The following CCDC178 variants were observed in gnomAD, a reference collection of about 807,000 sequenced individuals.
CCDC178 encodes the protein coiled-coil domain containing 178.
In CCDC178, 126 loss-of-function variants were observed where a neutral mutation model predicts 117.4. The observed-to-expected ratio is 1.07, with a 90% CI of 0.93 to 1.24. The LOEUF is 1.24. CCDC178 is among the 50% of genes most tolerant of loss of function. The probability of loss-of-function intolerance (pLI) is 0.00; values close to 1 mark genes in which losing one functional copy is unlikely to be tolerated. For synonymous variants in CCDC178, 283 were observed against 313.4 expected (o/e 0.90, Z 1.02); for missense variants, 1,030 against 986.9 (o/e 1.04, Z -0.59).
chr18:33,240,626 T>C (rs1417831867), intron 15 of CCDC178, among the ~76,000 whole-genome samples: 1 of 151,666 alleles, frequency 6.6e-6, no homozygotes, highest in Non-Finnish European at 1.5e-5. Flanking sequence ...AGGAAATGGA[T>C]ACATACAATC....
intron 2 of CCDC178, among the ~76,000 whole-genome samples, chr18:33,420,846 A>C (rs1431237424): frequency 6.6e-6 from 1 of 152,254 alleles, no homozygotes; most frequent in Admixed American, 6.5e-5. Flanking sequence ...AAGGAAAAGC[A>C]AAAAGATAGC....
At chr18:33,195,138 A>C (rs2058915521) in intron 20 of CCDC178, among the ~76,000 whole-genome samples, 1 of 151,686 alleles carries the variant, frequency 6.6e-6, no homozygotes, top group South Asian at 2.1e-4. Context: ...AGAGAGAGAG[A>C]GAGAGAGAAG....
intron 2 of CCDC178, among the ~76,000 whole-genome samples, chr18:33,415,825 A>T (rs1342544893): frequency 2.0e-5 from 3 of 152,132 alleles, no homozygotes; most frequent in Admixed American, 6.5e-5. Context: ...AATAAAAAAA[A>T]CTCTGGGTGC....
In CCDC178 at chr18:33,389,615, G is replaced by A. The variant is rs1446667228; in HGVS notation, c.133C>T (p.Gln45Ter). 6.7e-7 allele frequency: 1 copy of A among 1,497,048 alleles called. No homozygotes were observed. Among genetic ancestry groups the A allele is most frequent in the Non-Finnish European group, 8.9e-7 (1 of 1,125,000 alleles). The allele number at this position is 1,497,048 out of a possible 1,614,324, so 92.7% of individuals were successfully genotyped here. A position where few individuals can be genotyped will look rare whatever the true frequency, so the allele number is the denominator to read the frequency against. Residue 45 changes from glutamine (Q) to a stop codon, truncating the protein, a stop_gained, in exon 5 of 23, where the codon CAA (glutamine) becomes TAA (stop). Coordinates refer to ENST00000383096, the MANE Select transcript of CCDC178 (RefSeq NM_001105528.4). LOFTEE classifies it high-confidence loss of function. The part of the protein sequence containing the change: ...SRTNEGNAMS[Q>*]SLVLYGASKE... Reference sequence around the variant, plus strand: ...GAGGCTCCATATAGAACCAAACTTTGAGACATGGCATTGCCTTTTAAAAAG... The same window carrying A: ...GAGGCTCCATATAGAACCAAACTTTAAGACATGGCATTGCCTTTTAAAAAG...
rs977719005 is a variant in CCDC178 at position 33,267,197 on chromosome 18, C to T, written c.1272+5G>A. 1.3e-6 allele frequency: 2 copies of T among 1,586,896 alleles called. No homozygotes were observed. The highest frequency in any genetic ancestry group is 1.7e-6 in the Non-Finnish European group (2 of 1,171,082). Reference sequence around the variant, plus strand: ...TAAGTGGGAAGTAGGAAAAAATCAACTTACTGCAGCATAAAAATCATTAAC... The same window carrying T: ...TAAGTGGGAAGTAGGAAAAAATCAATTTACTGCAGCATAAAAATCATTAAC... On this transcript the variant is annotated splice_donor_5th_base_variant and intron_variant, in intron 13 of 22. Coordinates refer to ENST00000383096, the MANE Select transcript of CCDC178 (RefSeq NM_001105528.4).
At chr18:33,019,637 T>C (rs920522049) in intron 21 of CCDC178, among the ~76,000 whole-genome samples, 1 of 152,156 alleles carries the variant, frequency 6.6e-6, no homozygotes, top group Non-Finnish European at 1.5e-5. Context: ...GGTGCCTTAC[T>C]TATATAATGT....
At chr18:33,086,611 T>C (rs1021157868) in intron 21 of CCDC178, among the ~76,000 whole-genome samples, 12 of 152,002 alleles carry the variant, frequency 7.9e-5, no homozygotes, top group Admixed American at 4.6e-4. Context: ...TTCTTAATAT[T>C]GAATTTCTCA....
At chr18:32,939,823 T>A (rs1304126403) in intron 22 of CCDC178, among the ~76,000 whole-genome samples, 7 of 152,136 alleles carry the variant, frequency 4.6e-5, no homozygotes, top group East Asian at 1.9e-4. Context: ...CTCTTTCATA[T>A]CCGAAATGTT....
chr18:33,417,785 T>C (rs977688967), intron 2 of CCDC178, among the ~76,000 whole-genome samples: 1 of 152,120 alleles, frequency 6.6e-6, no homozygotes, highest in African/African-American at 2.4e-5. Flanking sequence ...TTCTCAAGAC[T>C]GAACCAGGAA....
chr18:33,074,386 T>C (rs1212006709), intron 21 of CCDC178, among the ~76,000 whole-genome samples: 1 of 152,128 alleles, frequency 6.6e-6, no homozygotes. Context: ...ACTTCCAACA[T>C]CATAGATTAA....
At chr18:33,015,889 CT>C (rs1328617174) in intron 21 of CCDC178, among the ~76,000 whole-genome samples, 1 of 152,116 alleles carries the variant, frequency 6.6e-6, no homozygotes, top group African/African-American at 2.4e-5. Flanking sequence ...CAACAACAGA[CT>C]TTTAGTGGCA....
At chr18:33,040,022 T>A (rs1364432783) in intron 21 of CCDC178, among the ~76,000 whole-genome samples, 1 of 151,808 alleles carries the variant, frequency 6.6e-6, no homozygotes, top group Non-Finnish European at 1.5e-5. Context: ...AAAAATACAC[T>A]TTTGGCAGAG....
intron 14 of CCDC178, among the ~76,000 whole-genome samples, chr18:33,254,068 T>C (rs2059648307): frequency 6.6e-6 from 1 of 151,604 alleles, no homozygotes; most frequent in African/African-American, 2.4e-5. Flanking sequence ...AGGGAAAAAA[T>C]ATAAGAAAAA....
intron 9 of CCDC178, among the ~76,000 whole-genome samples, chr18:33,337,556 A>G (rs1369358752): frequency 6.6e-6 from 1 of 152,116 alleles, no homozygotes; most frequent in African/African-American, 2.4e-5. Flanking sequence ...ATTGGTATAA[A>G]AATGGGCACG....
intron 14 of CCDC178, among the ~76,000 whole-genome samples, chr18:33,258,000 A>T (rs2059700167): frequency 6.6e-6 from 1 of 152,036 alleles, no homozygotes. Flanking sequence ...ACCTACCAAA[A>T]GGTCCAGTTA....
At chr18:33,040,096 G>GAA (rs2056520279) in intron 21 of CCDC178, among the ~76,000 whole-genome samples, 1 of 151,810 alleles carries the variant, frequency 6.6e-6, no homozygotes, top group Non-Finnish European at 1.5e-5. Flanking sequence ...GTTTCCATTT[G>GAA]ACTACAATTT....
At chr18:33,282,797 G>T (rs1349537739) in intron 12 of CCDC178, among the ~76,000 whole-genome samples, 1 of 152,112 alleles carries the variant, frequency 6.6e-6, no homozygotes, top group African/African-American at 2.4e-5. Context: ...GAGAACCTCG[G>T]AGGGCCCAGA....
intron 5 of CCDC178, among the ~76,000 whole-genome samples, chr18:33,377,828 C>A (rs1027062878): frequency 6.6e-6 from 1 of 152,146 alleles, no homozygotes; most frequent in Non-Finnish European, 1.5e-5. Context: ...TGTACCAGGA[C>A]CATGCTGTTT....
At chr18:33,418,147 C>T (rs139083762) in intron 2 of CCDC178, among the ~76,000 whole-genome samples, 2 of 152,272 alleles carry the variant, frequency 1.3e-5, no homozygotes, top group African/African-American at 4.8e-5. Flanking sequence ...TAATCCACCA[C>T]AATCAAGTCA....
Sources: allele counts gnomAD v4.1 joint callset (sites outside exome capture counted in the v4.1 genomes callset), GRCh38; gene constraint gnomAD v4.1.1; transcripts MANE v1.5; gene names NCBI Gene and HGNC (gene_info 2026-07-23, HGNC 2026-07-21).